MAX: variants seen among roughly 807,000 people sequenced by gnomAD.
MAX encodes the protein MYC associated transcriptional regulator X.
Under a neutral mutation model 22.3 loss-of-function variants are expected in MAX, and 3 were observed. The ratio of observed to expected loss-of-function variants is 0.13; its 90% CI spans 0.06 to 0.35. MAX has a LOEUF of 0.35. MAX is among the 10% of genes least tolerant of loss of function. MAX has a pLI of 1.00. For missense variants in MAX, 119 were observed against 209.4 expected (o/e 0.57, Z 2.66); for synonymous variants, 72 against 77.7 (o/e 0.93, Z 0.39).
Position 65,093,786 on chromosome 14 carries a change from C to G in MAX, c.93G>C (p.Leu31=), listed in dbSNP as rs2139886047. The G allele has an allele frequency of 6.2e-7, 1 of 1,609,146 alleles. No individual in the cohort carries two copies. The highest frequency in any genetic ancestry group is 8.5e-7 in the Non-Finnish European group (1 of 1,175,460). ...TGATGTGGTCCCTACGTTTTCGTTC[C>G]AGTGCATTATGATGAGCCCGTTTGT... ...AADKRAHHNA[L]ERKRRDHIKD... Residue 31 remains leucine, a synonymous_variant, in exon 3 of 5, where the codon CTG becomes CTC. Transcript: ENST00000358664. The surrounding 1 kb of genome is among the most constrained non-coding windows in gnomAD (Gnocchi z 4.4).
chr14:65,006,247 G>A (rs2139487191), exon 4 of MAX: 1 of 1,611,554 alleles, frequency 6.2e-7, no homozygotes, highest in Non-Finnish European at 8.5e-7. Context: ...GTGTTCATAA[G>A]GAAAGACAGG....
Position 65,076,515 on chromosome 14 carries a change from C to T in MAX, c.444G>A (p.Glu148=), listed in dbSNP as rs747778554. The T allele has an allele frequency of 6.2e-7, 1 of 1,613,998 alleles. No homozygotes were observed. The highest frequency in any genetic ancestry group is 8.5e-7 in the Non-Finnish European group (1 of 1,180,010). ...TCCGGAGCTTCTTCCTGCTTTGGGGCTCTTCAGGCTCAGACTCCGAGCTGG... is the reference window on the plus strand; with the variant it reads ...TCCGGAGCTTCTTCCTGCTTTGGGGTTCTTCAGGCTCAGACTCCGAGCTGG... ...SDSSSESEPE[E]PQSRKKLRME... The change falls in exon 5 of 5, where the codon GAG becomes GAA. Residue 148 remains glutamate (E), a synonymous_variant. Transcript: ENST00000358664. This position sits in a 1 kb window ranked among gnomAD's most constrained non-coding sequence, Gnocchi z 6.6.
Position 65,032,116 on chromosome 14 carries a change from A to T in MAX, c.172-25832T>A, listed in dbSNP as rs1053038502. 9.2e-5 allele frequency among the ~76,000 whole-genome samples: 14 copies of T among 151,738 alleles called. No homozygotes were observed. Among genetic ancestry groups the T allele is most frequent in the African/African-American group, 3.4e-4 (14 of 41,260 alleles). On this transcript the variant is annotated intron_variant, in intron 3 of 3. Transcript: ENST00000341653. The surrounding 1 kb of genome is among the most constrained non-coding windows in gnomAD (Gnocchi z 5.0). ...ACCTGTTCCTATCCTTGTTTGATCTATTACAATTTGGTGGCCTGTTTTGCA... is the reference window on the plus strand; with the variant it reads ...ACCTGTTCCTATCCTTGTTTGATCTTTTACAATTTGGTGGCCTGTTTTGCA...
At chr14:65,061,633 A>G (rs1284445256) in intron 3 of MAX, 2 of 259,052 alleles carry the variant, frequency 7.7e-6, no homozygotes, top group Non-Finnish European at 1.5e-5. Context: ...GATGAATGGC[A>G]TCTGAGTATT....
intron 3 of MAX, among the ~76,000 whole-genome samples, chr14:65,048,075 C>T (rs961273692): frequency 2.1e-5 from 3 of 143,050 alleles, no homozygotes; most frequent in Non-Finnish European, 4.5e-5. Flanking sequence ...GTAGCCTCCT[C>T]GGTTCAATTG....
At chr14:65,067,121 G>T (rs1595118632) in intron 3 of MAX, among the ~76,000 whole-genome samples, 1 of 151,174 alleles carries the variant, frequency 6.6e-6, no homozygotes, top group East Asian at 1.9e-4. Flanking sequence ...AGAAGTAAAG[G>T]CTGCAGTAAG....
intron 3 of MAX, among the ~76,000 whole-genome samples, chr14:65,008,542 G>A (rs939478457): frequency 6.6e-6 from 1 of 152,240 alleles, no homozygotes; most frequent in Non-Finnish European, 1.5e-5. Context: ...ATCACTGGGA[G>A]AATCTAATTT....
At position 65,037,676 on chromosome 14, in the gene MAX, C is replaced by T. The variant is rs59352265; in HGVS notation, c.172-31392G>A. Among the ~76,000 whole-genome samples, 1,607 of 149,608 alleles carry T rather than the reference C, an allele frequency of 0.011. 38 individuals are homozygous for T. The East Asian group carries it at 0.11, about 10-fold the overall frequency. Reference sequence around the variant, plus strand: ...CTGGGCTGACGTAATCCTCCTGCTGCGGCTTCCCCAAGTGCTGGGATTACA... The same window carrying T: ...CTGGGCTGACGTAATCCTCCTGCTGTGGCTTCCCCAAGTGCTGGGATTACA... On this transcript the variant is annotated intron_variant, in intron 3 of 3. Coordinates refer to the MAX transcript ENST00000341653.
chr14:65,091,103 C>T (rs889713541), intron 3 of MAX, among the ~76,000 whole-genome samples: 4 of 152,230 alleles, frequency 2.6e-5, no homozygotes, highest in South Asian at 2.1e-4. Context: ...ATCTAAGTTT[C>T]CCAAAACTCA....
chr14:65,096,156 T>C (rs1009501768), intron 2 of MAX, among the ~76,000 whole-genome samples: 7 of 152,228 alleles, frequency 4.6e-5, no homozygotes, highest in African/African-American at 1.7e-4. Flanking sequence ...AAGCCTGGGC[T>C]GGGGACTGTT....
At chr14:65,043,751 A>G (rs966643624) in intron 3 of MAX, among the ~76,000 whole-genome samples, 14 of 138,318 alleles carry the variant, frequency 1.0e-4, no homozygotes, top group Non-Finnish European at 2.0e-4. Context: ...GAACCCGGGA[A>G]GCGGAGCTTG....
chr14:65,070,394 C>T (rs183540838), downstream of MAX, among the ~76,000 whole-genome samples: 2 of 152,154 alleles, frequency 1.3e-5, no homozygotes, highest in African/African-American at 2.4e-5. This position sits in a 1 kb window ranked among gnomAD's most constrained non-coding sequence, Gnocchi z 4.4. Flanking sequence ...TAGCAGAGAC[C>T]GTGCTACATA....
At chr14:65,022,674 T>TAA (rs534936170) in intron 3 of MAX, among the ~76,000 whole-genome samples, 2 of 144,854 alleles carry the variant, frequency 1.4e-5, no homozygotes, top group Non-Finnish European at 3.1e-5. Flanking sequence ...GCCAAATACT[T>TAA]AAAAAAAAAA....
intron 3 of MAX, among the ~76,000 whole-genome samples, chr14:65,067,923 G>A (rs911491438): frequency 4.6e-5 from 7 of 151,258 alleles, no homozygotes; most frequent in South Asian, 4.2e-4. Context: ...ATGAGCCACC[G>A]TGCCCAGACC....
intron 3 of MAX, among the ~76,000 whole-genome samples, chr14:65,026,917 G>C (rs2061992981): frequency 6.6e-6 from 1 of 152,054 alleles, no homozygotes; most frequent in South Asian, 2.1e-4. Context: ...AGAAATCAGT[G>C]GCCCACAGAG....
chr14:65,027,632 G>A lies in MAX; in HGVS notation c.172-21348C>T. 1 of 1,614,102 alleles carries A rather than the reference G, an allele frequency of 6.2e-7. No homozygotes were observed. The highest frequency in any genetic ancestry group is 8.5e-7 in the Non-Finnish European group (1 of 1,179,962). On this transcript the variant is annotated intron_variant, in intron 3 of 3. Transcript: ENST00000341653. This position sits in a 1 kb window ranked among gnomAD's most constrained non-coding sequence, Gnocchi z 5.7. ...GAAAGCCAGCAGTGACAGAAACCTA[G>A]AGGAGTTCCCCGCCTGCTGACACGC...
chr14:65,049,485 G>A (rs1455289330), intron 3 of MAX, among the ~76,000 whole-genome samples: 1 of 152,104 alleles, frequency 6.6e-6, no homozygotes, highest in African/African-American at 2.4e-5. Flanking sequence ...CCCTATAATC[G>A]TATCTGCTTT....
chr14:65,088,802 C>T lies in MAX; in HGVS notation c.171+4906G>A, dbSNP rs1378373942. The stretch of plus-strand genomic sequence containing the variant: ...AGCAGACAGTCATTTAATAATCACA[C>T]AAATATATATAAAACCTCATATATT... On this transcript the variant is annotated intron_variant, in intron 3 of 4. Transcript: ENST00000358664. The surrounding 1 kb of genome is among the most constrained non-coding windows in gnomAD (Gnocchi z 5.2). Among the ~76,000 whole-genome samples, 2 of 152,152 alleles carry T rather than the reference C, an allele frequency of 1.3e-5. No individual in the cohort carries two copies. Among genetic ancestry groups the T allele is most frequent in the Non-Finnish European group, 2.9e-5 (2 of 68,030 alleles).
chr14:65,054,470 G>C lies in MAX; in HGVS notation c.171+39238C>G, dbSNP rs1042594652. 8.9e-6 allele frequency: 10 copies of C among 1,120,876 alleles called. No individual in the cohort carries two copies. The highest frequency in any genetic ancestry group is 2.2e-5 in the Admixed American group (1 of 45,256). The allele number at this position is 1,120,876 out of a possible 1,614,324, so 69.4% of individuals were successfully genotyped here. ...GCCTCCTCTAGCCACATGGAGGATGGGGGGGGACGTGTGATTGCACCAGTG... is the reference window on the plus strand; with the variant it reads ...GCCTCCTCTAGCCACATGGAGGATGCGGGGGGACGTGTGATTGCACCAGTG... On this transcript the variant is annotated intron_variant, in intron 3 of 3. Coordinates refer to the MAX transcript ENST00000341653. The surrounding 1 kb of genome is among the most constrained non-coding windows in gnomAD (Gnocchi z 4.4).
Sources: allele counts gnomAD v4.1 joint callset (sites outside exome capture counted in the v4.1 genomes callset), GRCh38; gene constraint gnomAD v4.1.1; non-coding constraint Gnocchi (gnomAD v3.1); transcripts MANE v1.5; gene names NCBI Gene and HGNC (gene_info 2026-07-23, HGNC 2026-07-21).